The following DENND5A variants were observed in gnomAD, a reference collection of about 807,000 sequenced individuals.
DENND5A encodes the protein DENN domain containing 5A.
Under a neutral mutation model 140.3 loss-of-function variants are expected in DENND5A, and 64 were observed. The ratio of observed to expected loss-of-function variants is 0.46; its 90% confidence interval spans 0.37 to 0.56. DENND5A has a LOEUF of 0.56. Among genes scored for constraint, DENND5A ranks in the 20% least tolerant of loss-of-function variants. DENND5A has a pLI of 0.00. For missense variants in DENND5A, 1,292 were observed against 1,593.8 expected (o/e 0.81, Z 3.22); for synonymous variants, 605 against 607.7 (o/e 1.00, Z 0.07).
chr11:9,172,962 C>T (rs1006147574), intron 8 of DENND5A, among the ~76,000 whole-genome samples: 1 of 150,494 alleles, frequency 6.6e-6, no homozygotes, highest in Non-Finnish European at 1.5e-5. Context: ...ACTACAAGCA[C>T]GTACTATCAT....
intron 10 of DENND5A, among the ~76,000 whole-genome samples, chr11:9,168,672 C>G (rs957427096): frequency 3.3e-5 from 5 of 151,918 alleles, no homozygotes; most frequent in African/African-American, 1.2e-4. Context: ...TATAAATCAG[C>G]AGTTGAAGAT....
chr11:9,169,763 C>A (rs570133745), intron 10 of DENND5A, 93 bp downstream of exon 10: 4 of 816,054 alleles, frequency 4.9e-6, no homozygotes, highest in Non-Finnish European at 6.3e-6. Context: ...ATTGCTGAGA[C>A]GTTTGAATCA....
intron 8 of DENND5A, 168 bp from the exon 9 acceptor site, chr11:9,170,945 A>T: frequency 1.7e-6 from 2 of 1,177,122 alleles, no homozygotes; most frequent in Non-Finnish European, 2.3e-6. Flanking sequence ...ATGCAAAATA[A>T]TATAAAATGA....
At chr11:9,196,931 C>G (rs1468891314) in intron 4 of DENND5A, among the ~76,000 whole-genome samples, 1 of 146,850 alleles carries the variant, frequency 6.8e-6, no homozygotes, top group Non-Finnish European at 1.5e-5. Flanking sequence ...TTTTAATATA[C>G]CATACAGATT....
rs140669179 is a variant in DENND5A, at chr11:9,224,893, G to A, written c.110-17261C>T. 6.8e-3 allele frequency among the ~76,000 whole-genome samples: 1,029 copies of A among 150,366 alleles called. 4 individuals are homozygous for A. The highest frequency in any genetic ancestry group is 0.021 in the Middle Eastern group (6 of 284). Reference sequence around the variant, plus strand: ...AAAAAAAAATCCACAGTATCCCAACGTTTTCATTTTCCCATCCCCAAGTTC... The same window carrying A: ...AAAAAAAAATCCACAGTATCCCAACATTTTCATTTTCCCATCCCCAAGTTC... On this transcript the variant is annotated intron_variant, in intron 1 of 22. Coordinates refer to ENST00000328194, the MANE Select transcript of DENND5A (RefSeq NM_015213.4).
chr11:9,203,386 A>C, intron 4 of DENND5A: 2 of 345,980 alleles, frequency 5.8e-6, no homozygotes, highest in East Asian at 5.8e-5. Flanking sequence ...ATCACCTCCT[A>C]CCCACCCCTC....
chr11:9,145,514 C>T (rs1213895380), intron 17 of DENND5A, 156 bp downstream of exon 17: 5 of 864,224 alleles, frequency 5.8e-6, no homozygotes, highest in Non-Finnish European at 9.1e-6. Flanking sequence ...CAGGGTCAGT[C>T]TTTGGATCCA....
At chr11:9,220,305 T>C (rs1346023806) in intron 1 of DENND5A, among the ~76,000 whole-genome samples, 1 of 152,176 alleles carries the variant, frequency 6.6e-6, no homozygotes, top group African/African-American at 2.4e-5. Flanking sequence ...CCCAACACTT[T>C]GGGAGGCCGA....
At chr11:9,225,470 AT>A (rs1321238862) in intron 1 of DENND5A, among the ~76,000 whole-genome samples, 1 of 152,160 alleles carries the variant, frequency 6.6e-6, no homozygotes, top group Non-Finnish European at 1.5e-5. Flanking sequence ...CTTAATAATA[AT>A]AGTTTTGGGG....
rs573439552 is a variant in DENND5A, at chr11:9,233,176, G to A, written c.110-25544C>T. 4.5e-4 allele frequency among the ~76,000 whole-genome samples: 69 copies of A among 152,174 alleles called. 1 individual carries two copies. Among genetic ancestry groups the A allele is most frequent in the Non-Finnish European group, 9.0e-4 (61 of 67,996 alleles). ...AACACTTTGGGAAGCCGAGGCAGGC[G>A]GATCACGAGGTCAGGAGTTCGAGAC... On this transcript the variant is annotated intron_variant, in intron 1 of 22. Transcript: ENST00000328194.
chr11:9,145,434 G>A, intron 17 of DENND5A: 2 of 597,378 alleles, frequency 3.3e-6, no homozygotes, highest in Middle Eastern at 4.5e-4. Context: ...ACTATGCATG[G>A]AGAGATGTGC....
chr11:9,146,867 C>G, intron 16 of DENND5A, 163 bp downstream of exon 16: 3 of 727,964 alleles, frequency 4.1e-6, no homozygotes, highest in Non-Finnish European at 6.8e-6. Context: ...GAAAACACAG[C>G]CTCCAAGGAG....
At chr11:9,243,662 C>T (rs544319791) in intron 1 of DENND5A, among the ~76,000 whole-genome samples, 14 of 152,212 alleles carry the variant, frequency 9.2e-5, no homozygotes, top group African/African-American at 2.9e-4. Flanking sequence ...CCAAGGTAGG[C>T]GGATTACAAG....
chr11:9,150,852 A>G (rs754933890), intron 13 of DENND5A, 88 bp from the exon 14 acceptor site: 13 of 749,358 alleles, frequency 1.7e-5, no homozygotes, highest in Non-Finnish European at 2.7e-5. Flanking sequence ...ACAAATTGCT[A>G]TGGGAAACAG....
chr11:9,264,992 C>T lies in DENND5A; in HGVS notation c.78G>A (p.Thr26=). ...GCTCGTCCGGCTCCAGCCCGGTCTC[C>T]GTGTCCAGTCCGCAGATGACAAAGT... The part of the protein sequence containing the change: ...ADYFVICGLD[T]ETGLEPDELS... Residue 26 remains threonine (T), a synonymous_variant, in exon 1 of 23, where the codon ACG becomes ACA. Transcript: ENST00000328194. The T allele has an allele frequency of 1.3e-6, 2 of 1,588,678 alleles. No individual in the cohort carries two copies. The highest frequency in any genetic ancestry group is 1.7e-5 in the Admixed American group (1 of 58,082).
intron 1 of DENND5A, among the ~76,000 whole-genome samples, chr11:9,244,521 C>T (rs892705355): frequency 2.0e-5 from 3 of 152,136 alleles, no homozygotes; most frequent in African/African-American, 7.2e-5. Flanking sequence ...AGGCATGTGC[C>T]ACCACGCCCA....
intron 1 of DENND5A, among the ~76,000 whole-genome samples, chr11:9,209,299 A>G (rs1849792600): frequency 6.6e-6 from 1 of 152,192 alleles, no homozygotes; most frequent in Non-Finnish European, 1.5e-5. Flanking sequence ...GCTCCCTAAG[A>G]CATGACATGC....
At chr11:9,186,703 A>G (rs1848924668) in intron 5 of DENND5A, among the ~76,000 whole-genome samples, 1 of 152,188 alleles carries the variant, frequency 6.6e-6, no homozygotes, top group African/African-American at 2.4e-5. Flanking sequence ...GATGAATTAG[A>G]TTAAGATAAG....
rs1281178041 is a variant in DENND5A at position 9,257,482 on chromosome 11, C to CT, written c.109+7478dup. ...CTTAATGATAATCACACACAGTATTCTTTTTTTTTTTTTTTTTGAGAAGGA... is the reference window on the plus strand; with the variant it reads ...CTTAATGATAATCACACACAGTATTCTTTTTTTTTTTTTTTTTTGAGAAGGA... On this transcript the variant is annotated intron_variant, in intron 1 of 22. Transcript: ENST00000328194. Among the ~76,000 whole-genome samples, 690 of 119,002 alleles carry CT rather than the reference C, an allele frequency of 5.8e-3. 11 individuals carry two copies. The highest frequency in any genetic ancestry group is 0.014 in the African/African-American group (438 of 32,384). The allele number at this position is 119,002 out of a possible 152,430, so 78.1% of individuals were successfully genotyped here.
Sources: allele counts gnomAD v4.1 joint callset (sites outside exome capture counted in the v4.1 genomes callset), GRCh38; gene constraint gnomAD v4.1.1; transcripts MANE v1.5; gene names NCBI Gene and HGNC (gene_info 2026-07-23, HGNC 2026-07-21).